Variants in SYCE1 observed in about 807,000 individuals in gnomAD.
SYCE1 encodes the protein synaptonemal complex central element protein 1, also known as cancer/testis antigen 76.
A neutral mutation model predicts 55.1 loss-of-function variants in SYCE1; 37 were observed. The ratio of observed to expected loss-of-function variants is 0.67; its 90% confidence interval spans 0.52 to 0.88. The LOEUF is 0.88. SYCE1 is among the 40% of genes least tolerant of loss of function. The pLI is 0.00. For synonymous variants in SYCE1, 163 were observed against 159.4 expected, an observed-to-expected ratio of 1.02 and a Z score of -0.17; for missense variants, 399 against 416.4, an observed-to-expected ratio of 0.96 and a Z score of 0.36.
upstream of SYCE1, chr10:133,567,810 C>T (rs1851983501): frequency 2.8e-6 from 1 of 361,394 alleles, no homozygotes. Flanking sequence ...CAGGCCACTG[C>T]CTTTTTGGCT....
chr10:133,557,782 T>A, intron 6 of SYCE1, 82 bp downstream of exon 6: 1 of 1,477,984 alleles, frequency 6.8e-7, no homozygotes. Flanking sequence ...GAGCTGTGGG[T>A]CTCAGATTCA....
At chr10:133,556,997 A>AC in intron 7 of SYCE1, 70 bp downstream of exon 7, 1 of 1,533,936 alleles carries the variant, frequency 6.5e-7, no homozygotes, top group Non-Finnish European at 9.0e-7. Context: ...AGCTTTTCTA[A>AC]CCCCCATCTT....
rs762174329 is a variant in SYCE1 at position 133,557,906 on chromosome 10, A to G, written c.332T>C (p.Ile111Thr). The change falls in exon 6 of 13, where the codon ATC becomes ACC. Residue 111 changes from isoleucine (I) to threonine (T), a missense_variant. Physicochemically the swap from Ile to Thr is moderately conservative, Grantham distance 89. Transcript: ENST00000343131. ...CTTTTCCTGGCAATGCAGCCGGAGGATCCTCAGGGTCTCTGTAGGGAGAGC... is the reference window on the plus strand; with the variant it reads ...CTTTTCCTGGCAATGCAGCCGGAGGGTCCTCAGGGTCTCTGTAGGGAGAGC... Reference protein sequence around the residue: ...ILSKKQETLRILRLHCQEKES... With the variant: ...ILSKKQETLRTLRLHCQEKES... 19 of 1,613,956 alleles carry G rather than the reference A, an allele frequency of 1.2e-5. No individual in the cohort carries two copies. In the Admixed American group the frequency reaches 3.2e-4, roughly 27 times the overall value.
chr10:133,557,527 G>C, intron 6 of SYCE1: 1 of 491,578 alleles, frequency 2.0e-6, no homozygotes. Flanking sequence ...TGGATGAATG[G>C]AGAGAGAATG....
rs749255236 is a variant in SYCE1, at chr10:133,557,163, G to A, written c.375-7C>T. ...CTGCAACATGGTGTGCTTCCTGGGA[G>A]AGGCGAGGCAGCCCTCAGCCATGTT... On this transcript the variant is annotated splice_region_variant and splice_polypyrimidine_tract_variant and intron_variant, in intron 6 of 12. Transcript: ENST00000343131. 6.8e-6 allele frequency: 11 copies of A among 1,613,246 alleles called. No individual in the cohort carries two copies. Among genetic ancestry groups the A allele is most frequent in the Non-Finnish European group, 9.3e-6 (11 of 1,179,478 alleles).
intron 6 of SYCE1, 27 bp downstream of exon 6, chr10:133,557,835 CAG>C (rs1851725046): frequency 1.9e-6 from 3 of 1,613,308 alleles, no homozygotes; most frequent in African/African-American, 1.3e-5. Flanking sequence ...AGAGGTAGTG[CAG>C]AGTTAGGCTC....
intron 1 of SYCE1, among the ~76,000 whole-genome samples, chr10:133,563,663 C>G (rs749208777): frequency 5.5e-5 from 8 of 145,544 alleles, no homozygotes; most frequent in Non-Finnish European, 1.2e-4. Flanking sequence ...GCACTCCAGC[C>G]TGGGCAACAA....
chr10:133,568,062 G>C (rs1851990881), upstream of SYCE1: 2 of 649,872 alleles, frequency 3.1e-6, no homozygotes, highest in Non-Finnish European at 5.6e-6. Flanking sequence ...GCGGCCCGGG[G>C]GCCAGATGTG....
At chr10:133,557,759 A>T (rs1564856398) in intron 6 of SYCE1, 105 bp downstream of exon 6, 4 of 1,302,910 alleles carry the variant, frequency 3.1e-6, no homozygotes, top group Non-Finnish European at 4.4e-6. Flanking sequence ...CATTGTTTAG[A>T]GGGAAACAAT....
chr10:133,562,587 A>AG (rs1171358671), intron 1 of SYCE1, among the ~76,000 whole-genome samples: 1 of 152,158 alleles, frequency 6.6e-6, no homozygotes, highest in Non-Finnish European at 1.5e-5. Flanking sequence ...TAAACACACA[A>AG]GTTCATGTCA....
At chr10:133,563,943 C>G (rs893858484) in intron 1 of SYCE1, among the ~76,000 whole-genome samples, 1 of 152,080 alleles carries the variant, frequency 6.6e-6, no homozygotes, top group Non-Finnish European at 1.5e-5. Flanking sequence ...GACTAATAGA[C>G]TTTTTACTAA....
chr10:133,557,514 TAATGGATGAATGGAGAGAG>T, intron 6 of SYCE1: 1 of 485,226 alleles, frequency 2.1e-6, no homozygotes, highest in Non-Finnish European at 3.7e-6. Context: ...GATGAAAAGA[TAATGGATGAATGGAGAGAG>T]AATGGACAAA....
upstream of SYCE1, among the ~76,000 whole-genome samples, chr10:133,567,336 T>C (rs959091259): frequency 1.3e-5 from 2 of 150,876 alleles, no homozygotes; most frequent in African/African-American, 4.9e-5. Context: ...TAGGGTTTAG[T>C]GCTTGAGGTG....
At position 133,565,335 on chromosome 10, in the gene SYCE1, G is replaced by C. The variant is rs1033516640; in HGVS notation, c.73+122C>G. The stretch of plus-strand genomic sequence containing the variant: ...GGCCGAAATTTTTCTGAAGAAACCC[G>C]CTAAGTCTCAATCAGCAGCATCAGG... On this transcript the variant is annotated intron_variant, in intron 1 of 12. Coordinates refer to ENST00000343131, the MANE Select transcript of SYCE1 (RefSeq NM_001143764.3). 1.4e-4 allele frequency: 123 copies of C among 893,012 alleles called. 1 individual carries two copies. The African/African-American group carries it at 2.0e-3, about 14-fold the overall frequency. The allele number at this position is 893,012 out of a possible 1,614,324, so 55.3% of individuals were successfully genotyped here. A position where few individuals can be genotyped will look rare whatever the true frequency, so the allele number is the denominator to read the frequency against.
chr10:133,554,203 G>C (rs191348552), downstream of SYCE1: 14 of 1,241,776 alleles, frequency 1.1e-5, no homozygotes, highest in South Asian at 1.6e-4. Flanking sequence ...TAGAGAACTC[G>C]TCTGTCCTGG....
chr10:133,555,380 G>A lies in SYCE1; in HGVS notation c.889C>T (p.Gln297Ter), dbSNP rs745543380. 6.2e-7 allele frequency: 1 copy of A among 1,613,936 alleles called. No individual in the cohort carries two copies. The highest frequency in any genetic ancestry group is 2.2e-5 in the East Asian group (1 of 44,874). Residue 297 changes from glutamine to a stop codon, truncating the protein, a stop_gained, in exon 12 of 13, where the codon CAA (glutamine) becomes TAA (stop). Transcript: ENST00000343131. LOFTEE classifies it low-confidence loss of function (END_TRUNC). The stretch of plus-strand genomic sequence containing the variant: ...TCTCCTGGGCCAGCCTCTTCCTCTT[G>A]TGTGCTCTGGGCTTGGGCAGGGACT... ...MQVPAQAQST[Q>*]EEEAGPGDVA...
upstream of SYCE1, chr10:133,568,021 G>A (rs1490255553): frequency 6.6e-6 from 4 of 609,262 alleles, no homozygotes; most frequent in East Asian, 1.3e-4. Context: ...GAGGAAGGGG[G>A]AGCCCAGGCC....
chr10:133,560,976 C>T (rs1244521162), intron 1 of SYCE1: 2 of 152,230 alleles, frequency 1.3e-5, no homozygotes, highest in East Asian at 3.9e-4. Flanking sequence ...TACTTATGAC[C>T]TTGAAGCAAA....
At chr10:133,559,176 G>T in intron 3 of SYCE1, 125 bp downstream of exon 3, 2 of 1,100,916 alleles carry the variant, frequency 1.8e-6, no homozygotes, top group Non-Finnish European at 1.4e-6. Context: ...TTAATTTAAG[G>T]CTCTGCTGTT....
Sources: gnomAD v4.1 joint callset for allele counts (sites outside exome capture counted in the v4.1 genomes callset) on GRCh38, gnomAD v4.1.1 for gene constraint, MANE v1.5 for transcripts, NCBI Gene and HGNC (gene_info 2026-07-23, HGNC 2026-07-21) for gene names.